Variants in UNC79 observed in about 807,000 individuals in gnomAD.
UNC79 encodes the protein protein unc-79 homolog.
A neutral mutation model predicts 283.1 loss-of-function variants in UNC79; 37 were observed. That is an observed-to-expected ratio of 0.13 (90% CI 0.10 to 0.17). The LOEUF (loss-of-function observed/expected upper bound fraction) is 0.17, where lower values mean the gene tolerates loss of function less well. UNC79 is among the 10% of genes least tolerant of loss of function. The pLI, the probability that UNC79 is intolerant of heterozygous loss-of-function variation, is 1.00. For missense variants in UNC79, 2,272 were observed against 3,211.1 expected, an observed-to-expected ratio of 0.71 and a Z score of 7.07; for synonymous variants, 1,107 against 1,200.2, an observed-to-expected ratio of 0.92 and a Z score of 1.61.
At chr14:93,406,995 C>T (rs573602837) in intron 1 of UNC79, among the ~76,000 whole-genome samples, 1 of 152,112 alleles carries the variant, frequency 6.6e-6, no homozygotes, top group Non-Finnish European at 1.5e-5. Context: ...TTCCTTGCTT[C>T]TGGTGGCTCC....
chr14:93,603,822 A>T (rs1480516967), intron 26 of UNC79, among the ~76,000 whole-genome samples: 2 of 152,138 alleles, frequency 1.3e-5, no homozygotes, highest in African/African-American at 2.4e-5. Flanking sequence ...TGAAATTTGG[A>T]ATGTATTTTT....
intron 47 of UNC79, among the ~76,000 whole-genome samples, chr14:93,701,231 C>A (rs2075507616): frequency 6.6e-6 from 1 of 152,222 alleles, no homozygotes; most frequent in South Asian, 2.1e-4. Flanking sequence ...CTCTGTCCTG[C>A]ATTTCTTGAT....
At chr14:93,513,048 C>T (rs1027198453) in intron 7 of UNC79, among the ~76,000 whole-genome samples, 1 of 152,084 alleles carries the variant, frequency 6.6e-6, no homozygotes, top group African/African-American at 2.4e-5. Context: ...ACTGGTGGAT[C>T]ACCTTCTTGC....
intron 31 of UNC79, among the ~76,000 whole-genome samples, chr14:93,636,326 T>A (rs1342077464): frequency 6.6e-6 from 1 of 152,192 alleles, no homozygotes; most frequent in African/African-American, 2.4e-5. Flanking sequence ...ATCCTCCAAA[T>A]TGGTTCTCGT....
intron 1 of UNC79, 55 bp from the exon 2 acceptor site, chr14:93,467,603 ATTCTTCTCTTTCT>A (rs983927360): frequency 3.7e-6 from 4 of 1,071,396 alleles, no homozygotes; most frequent in Non-Finnish European, 4.5e-6. Flanking sequence ...TTACAAGATG[ATTCTTCTCTTTCT>A]TTTTCTTCTT....
chr14:93,696,607 A>G lies in UNC79; in HGVS notation c.7548+2195A>G, dbSNP rs548201220. Among the ~76,000 whole-genome samples, 203 of 152,248 alleles carry G rather than the reference A, an allele frequency of 1.3e-3. 1 individual carries two copies. Among genetic ancestry groups the G allele is most frequent in the African/African-American group, 4.7e-3 (194 of 41,560 alleles). On this transcript the variant is annotated intron_variant, in intron 47 of 48. Coordinates refer to ENST00000555664, the Ensembl canonical transcript of UNC79. ...CTTTTCATGTACTTATTTGCTGTCCATATGTCTGCTTGGTGAAGTATCTGT... is the reference window on the plus strand; with the variant it reads ...CTTTTCATGTACTTATTTGCTGTCCGTATGTCTGCTTGGTGAAGTATCTGT...
intron 2 of UNC79, 138 bp from the exon 3 acceptor site, chr14:93,473,951 A>G: frequency 9.8e-7 from 1 of 1,015,602 alleles, no homozygotes; most frequent in Non-Finnish European, 1.4e-6. Context: ...CTAGACTGGT[A>G]GACCCTGCTG....
intron 30 of UNC79, among the ~76,000 whole-genome samples, chr14:93,629,064 T>C (rs954103773): frequency 2.0e-5 from 3 of 152,088 alleles, no homozygotes; most frequent in Admixed American, 6.6e-5. Flanking sequence ...CTGGGCATGG[T>C]GGTGTGTGCC....
chr14:93,450,482 T>C (rs2056602227), intron 1 of UNC79, among the ~76,000 whole-genome samples: 1 of 152,184 alleles, frequency 6.6e-6, no homozygotes, highest in Non-Finnish European at 1.5e-5. Flanking sequence ...TGGGTGTTCT[T>C]TCTCCCAGGA....
At chr14:93,580,865 C>G (rs1018914090) in intron 19 of UNC79, among the ~76,000 whole-genome samples, 3 of 152,108 alleles carry the variant, frequency 2.0e-5, no homozygotes, top group Non-Finnish European at 2.9e-5. Flanking sequence ...ACCACCATGC[C>G]TGGCTAATTT....
chr14:93,594,496 C>T (rs1478810157), intron 23 of UNC79, among the ~76,000 whole-genome samples: 1 of 152,118 alleles, frequency 6.6e-6, no homozygotes, highest in African/African-American at 2.4e-5. Flanking sequence ...TCTTGAACTC[C>T]TGACCTCAGG....
At chr14:93,574,912 G>T in intron 16 of UNC79, 146 bp from the exon 17 acceptor site, 1 of 852,902 alleles carries the variant, frequency 1.2e-6, no homozygotes, top group Non-Finnish European at 1.7e-6. Flanking sequence ...ATGAAAATTG[G>T]AGGATGACTG....
intron 30 of UNC79, among the ~76,000 whole-genome samples, chr14:93,624,319 C>T (rs1448286646): frequency 3.9e-5 from 6 of 152,162 alleles, no homozygotes; most frequent in Non-Finnish European, 5.9e-5. Context: ...AGGGAAAAAA[C>T]GGTCCTTGTT....
chr14:93,357,756 G>GAT (rs540250021), intron 1 of UNC79, among the ~76,000 whole-genome samples: 8 of 83,288 alleles, frequency 9.6e-5, no homozygotes, highest in South Asian at 4.0e-4. Flanking sequence ...TGGATATATG[G>GAT]ATATATATAT....
At chr14:93,355,556 C>T (rs770902403) in intron 1 of UNC79, among the ~76,000 whole-genome samples, 18 of 152,174 alleles carry the variant, frequency 1.2e-4, no homozygotes, top group Non-Finnish European at 2.4e-4. Context: ...TGGTCTCGAC[C>T]TCCTGACCTC....
At position 93,452,578 on chromosome 14, in the gene UNC79, AG is replaced by A. The variant is rs1419757886; in HGVS notation, c.23-15090del. On this transcript the variant is annotated intron_variant, in intron 1 of 48. Transcript: ENST00000555664. ...TAATTTTTGTATTTTTAGTAGAGAC[AG>A]GGTTTCGCCATGTTGGACAGACTGG... 2.0e-5 allele frequency among the ~76,000 whole-genome samples: 3 copies of A among 151,944 alleles called. No individual in the cohort carries two copies. In the East Asian group the frequency reaches 5.8e-4, roughly 29 times the overall value.
At chr14:93,481,610 A>G (rs901059967) in intron 4 of UNC79, among the ~76,000 whole-genome samples, 5 of 152,116 alleles carry the variant, frequency 3.3e-5, no homozygotes, top group African/African-American at 1.2e-4. Context: ...ACTTACCTTC[A>G]GGAAAAATAA....
At position 93,532,270 on chromosome 14, in the gene UNC79, C is replaced by T. The variant is rs1401638349; in HGVS notation, c.1094-280C>T. Among the ~76,000 whole-genome samples the T allele has an allele frequency of 8.0e-5, 11 of 136,648 alleles. No individual in the cohort carries two copies. In the East Asian group the frequency reaches 2.3e-3, roughly 29 times the overall value. The allele number at this position is 136,648 out of a possible 152,430, so 89.6% of individuals were successfully genotyped here. On this transcript the variant is annotated intron_variant, in intron 10 of 48. Coordinates refer to ENST00000555664, the Ensembl canonical transcript of UNC79. ...TTGCTTGTGGCCAGGAGTTGAAGAACAGCCTGAGAAACATAGTAAGACCCC... is the reference window on the plus strand; with the variant it reads ...TTGCTTGTGGCCAGGAGTTGAAGAATAGCCTGAGAAACATAGTAAGACCCC...
chr14:93,582,619 G>A (rs1040373321), intron 20 of UNC79, among the ~76,000 whole-genome samples: 5 of 152,288 alleles, frequency 3.3e-5, no homozygotes, highest in African/African-American at 1.2e-4. Context: ...TATTCTCTGT[G>A]GACCAAGGCT....
Sources: allele counts gnomAD v4.1 joint callset (sites outside exome capture counted in the v4.1 genomes callset), GRCh38; gene constraint gnomAD v4.1.1; transcripts MANE v1.5; gene names NCBI Gene and HGNC (gene_info 2026-07-23, HGNC 2026-07-21).